The following PIF1 variants were observed in gnomAD, a reference collection of about 807,000 sequenced individuals.
PIF1 encodes the protein PIF1 5'-to-3' DNA helicase, also known as ATP-dependent DNA helicase PIF1.
In PIF1, 67 loss-of-function variants were observed where a neutral mutation model predicts 62.3. The ratio of observed to expected loss-of-function variants is 1.08; its 90% confidence interval spans 0.88 to 1.32. The LOEUF (loss-of-function observed/expected upper bound fraction) is 1.32. Ranked by LOEUF, PIF1 falls within the 40% of genes most tolerant of loss-of-function variation. The pLI is 0.00. For missense variants in PIF1, 886 were observed against 866.1 expected, an observed-to-expected ratio of 1.02 and a Z score of -0.29; for synonymous variants, 364 against 379.5, an observed-to-expected ratio of 0.96 and a Z score of 0.47.
intron 4 of PIF1, 155 bp from the exon 5 acceptor site, chr15:64,821,675 G>A (rs993498122): frequency 6.4e-6 from 5 of 778,332 alleles, no homozygotes; most frequent in African/African-American, 1.8e-5. Flanking sequence ...GGGCTCAAGC[G>A]ATCCTCCCAC....
Position 64,821,290 on chromosome 15 carries a change from G to A in PIF1, c.972-9C>T, listed in dbSNP as rs1236851204. 5 of 1,614,042 alleles carry A rather than the reference G, an allele frequency of 3.1e-6. No homozygotes were observed. In the African/African-American group the frequency reaches 5.3e-5, roughly 17 times the overall value. ...TCTGCTGCCGGACAGCTCTGGAGAG[G>A]AGCGTGGGGTGCTTTAGGGGCACAC... On this transcript the variant is annotated splice_polypyrimidine_tract_variant and intron_variant, in intron 5 of 12. Coordinates refer to ENST00000559239, the MANE Select transcript of PIF1 (RefSeq NM_001286496.2).
At chr15:64,826,669 C>CATAT (rs111251424), upstream of PIF1, among the ~76,000 whole-genome samples, 15,770 of 74,918 alleles carry the variant, frequency 0.21, 2,585 homozygotes, top group Non-Finnish European at 0.27. Context: ...TATATATACA[C>CATAT]ACACACACAC....
rs776992814 is a variant in PIF1, at chr15:64,821,545, G to C, written c.818-25C>G. ...CCTGTGAGTGACACTATTCAGCCTGGGCTAATACCCAAAGCCTCTCTTTTT... is the reference window on the plus strand; with the variant it reads ...CCTGTGAGTGACACTATTCAGCCTGCGCTAATACCCAAAGCCTCTCTTTTT... On this transcript the variant is annotated intron_variant, in intron 4 of 12. Transcript: ENST00000559239. 4 of 1,543,500 alleles carry C rather than the reference G, an allele frequency of 2.6e-6. No homozygotes were observed. In the South Asian group the frequency reaches 4.8e-5, roughly 19 times the overall value.
At position 64,818,032 on chromosome 15, in the gene PIF1, T is replaced by C. The variant is rs1198113246; in HGVS notation, c.1588A>G (p.Thr530Ala). 2.4e-5 allele frequency: 38 copies of C among 1,613,790 alleles called. No homozygotes were observed. The highest frequency in any genetic ancestry group is 3.1e-5 in the Non-Finnish European group (36 of 1,179,882). Residue 530 changes from threonine to alanine, a missense_variant, in exon 11 of 13, where the codon ACG becomes GCG. Physicochemically the swap from Thr to Ala is moderately conservative, Grantham distance 58 (BLOSUM62 0). Transcript: ENST00000559239. ...AGCTGGCCCCCGGTGGCCTGCACCGTCCAGCGGTCAGCGTGGATGACCTCA... is the reference window on the plus strand; with the variant it reads ...AGCTGGCCCCCGGTGGCCTGCACCGCCCAGCGGTCAGCGTGGATGACCTCA... Reference protein sequence around the residue: ...VTEVIHADRWTVQATGGQLLS... With the variant: ...VTEVIHADRWAVQATGGQLLS...
intron 7 of PIF1, 140 bp downstream of exon 7, chr15:64,820,842 C>G: frequency 1.4e-6 from 1 of 723,892 alleles, no homozygotes; most frequent in Non-Finnish European, 2.3e-6. Flanking sequence ...AGTGCCCTGC[C>G]CAAGGCTCCT....
chr15:64,820,046 T>A, intron 7 of PIF1, 60 bp from the exon 8 acceptor site: 9 of 1,571,886 alleles, frequency 5.7e-6, no homozygotes, highest in Non-Finnish European at 7.8e-6. Flanking sequence ...GTGGGGAACA[T>A]GGGCAGGATG....
At chr15:64,826,667 C>CATAT (rs1315075229), upstream of PIF1, among the ~76,000 whole-genome samples, 15,201 of 65,718 alleles carry the variant, frequency 0.23, 2,447 homozygotes, top group Non-Finnish European at 0.3. Context: ...TATATATATA[C>CATAT]ACACACACAC....
rs969531834 is a variant in PIF1, at chr15:64,815,863, C to A, written c.*435G>T. ...TTCCGTTCTCTGTTTGGAGGCTGCACCCAGCCTGAGTCCCCACCAGTCCCC... is the reference window on the plus strand; with the variant it reads ...TTCCGTTCTCTGTTTGGAGGCTGCAACCAGCCTGAGTCCCCACCAGTCCCC... On this transcript the variant is annotated 3_prime_UTR_variant, in exon 13 of 13. Transcript: ENST00000559239. 8.4e-6 allele frequency: 13 copies of A among 1,550,476 alleles called. No individual in the cohort carries two copies. The African/African-American group carries it at 1.6e-4, about 20-fold the overall frequency.
rs769887891 is a variant in PIF1 at position 64,816,615 on chromosome 15, G to T, written c.1825C>A (p.His609Asn). 7.4e-6 allele frequency: 12 copies of T among 1,613,930 alleles called. No homozygotes were observed. The highest frequency in any genetic ancestry group is 3.3e-5 in the Admixed American group (2 of 59,926). ...MAVRCDPRVLHFYATLRRGRS... is the reference protein window; with the variant it reads ...MAVRCDPRVLNFYATLRRGRS... ...CCCCGCCGCAGGGTGGCATAGAAGT[G>T]CAGCACACGGGGGTCACAGCGAACC... Residue 609 changes from histidine to asparagine, a missense_variant, in exon 12 of 13, where the codon CAC becomes AAC. Physicochemically the swap from His to Asn is moderately conservative, Grantham distance 68. Coordinates refer to ENST00000559239, the MANE Select transcript of PIF1 (RefSeq NM_001286496.2).
upstream of PIF1, among the ~76,000 whole-genome samples, chr15:64,826,719 T>TAC (rs1156251717): frequency 4.4e-5 from 6 of 136,594 alleles, no homozygotes; most frequent in African/African-American, 2.8e-5. Flanking sequence ...CATATATATA[T>TAC]ACACACACAT....
In PIF1 at chr15:64,819,875, G is replaced by T. The variant is rs143639043; in HGVS notation, c.1305C>A (p.Thr435=). The T allele has an allele frequency of 1.2e-6, 2 of 1,613,946 alleles. No homozygotes were observed. The highest frequency in any genetic ancestry group is 3.3e-5 in the Admixed American group (2 of 60,022). ...GCAGCTCCTGAAGCCGCCTCTCGTT[G>T]GTGAGGGCCACATCATCCTGGTGGG... ...LCTHQDDVAL[T]NERRLQELPG... is the part of the protein sequence containing the mutation. The change falls in exon 8 of 13, where the codon ACC becomes ACA. Residue 435 remains threonine (T), a synonymous_variant. Transcript: ENST00000559239.
rs775564225 is a variant in PIF1 at position 64,816,270 on chromosome 15, C to T, written c.*28G>A. 4.6e-5 allele frequency: 75 copies of T among 1,613,434 alleles called. No individual in the cohort carries two copies. Among genetic ancestry groups the T allele is most frequent in the African/African-American group, 2.7e-5 (2 of 74,918 alleles). ...AGGAGGACGGGGAGGCCACAGGCCACCCTTTGTCTTCTCTTTGTGGGTGAG... is the reference window on the plus strand; with the variant it reads ...AGGAGGACGGGGAGGCCACAGGCCATCCTTTGTCTTCTCTTTGTGGGTGAG... On this transcript the variant is annotated 3_prime_UTR_variant, in exon 13 of 13. Coordinates refer to ENST00000559239, the MANE Select transcript of PIF1 (RefSeq NM_001286496.2).
Position 64,816,107 on chromosome 15 carries a change from C to T in PIF1, c.*191G>A. 5 of 1,453,164 alleles carry T rather than the reference C, an allele frequency of 3.4e-6. No individual in the cohort carries two copies. Among genetic ancestry groups the T allele is most frequent in the Non-Finnish European group, 3.6e-6 (4 of 1,108,636 alleles). The allele number at this position is 1,453,164 out of a possible 1,614,324, so 90.0% of individuals were successfully genotyped here. ...CTTACCCAGGGCAAAGTGAGAGAAA[C>T]TGAAGCACAGCTGGTATATGGGTTT... On this transcript the variant is annotated 3_prime_UTR_variant, in exon 13 of 13. Coordinates refer to ENST00000559239, the MANE Select transcript of PIF1 (RefSeq NM_001286496.2).
chr15:64,817,925 G>GC lies in PIF1; in HGVS notation c.1674+20dup, dbSNP rs60814085. The GC allele has an allele frequency of 1.7e-5, 27 of 1,595,716 alleles. No individual in the cohort carries two copies. The African/African-American group carries it at 2.7e-4, about 16-fold the overall frequency. ...ACCTCCCTCTGCCCTCCCTGTCCCT[G>GC]CCCCCCACACCGGTGCTCACTTGGC... On this transcript the variant is annotated intron_variant, in intron 11 of 12. Transcript: ENST00000559239.
Position 64,825,556 on chromosome 15 carries a change from CTT to C in PIF1, c.-20+11_-20+12del, listed in dbSNP as rs2084357058. On this transcript the variant is annotated intron_variant, in intron 1 of 12. Coordinates refer to ENST00000559239, the MANE Select transcript of PIF1 (RefSeq NM_001286496.2). ...CGGAAACCCCTAGATAAATCAGGCT[CTT>C]TGCTCCCCACCTCTGGGTTCGGGCA... 1 of 152,154 alleles carries C rather than the reference CTT, an allele frequency of 6.6e-6. No individual in the cohort carries two copies. The highest frequency in any genetic ancestry group is 6.5e-5 in the Admixed American group (1 of 15,272). The allele number at this position is 152,154 out of a possible 1,614,324, so 9.4% of individuals were successfully genotyped here.
Position 64,822,269 on chromosome 15 carries a change from C to A in PIF1, c.814G>T (p.Ala272Ser), listed in dbSNP as rs1293417986. ...AGCCCTAGGGGTTCCTACTTACCTG[C>A]AAAGGCATGGAGGGTGGTGCCCCCG... ...HIGGTTLHAF[A>S]GIGSGQAPLA... is the part of the protein sequence containing the mutation. Residue 272 changes from alanine to serine, a missense_variant, in exon 4 of 13, where the codon GCA becomes TCA. By Grantham distance (99) the Ala-to-Ser change is moderately conservative (BLOSUM62 1). Coordinates refer to ENST00000559239, the MANE Select transcript of PIF1 (RefSeq NM_001286496.2). 6.2e-7 allele frequency: 1 copy of A among 1,612,302 alleles called. No homozygotes were observed. The highest frequency in any genetic ancestry group is 8.5e-7 in the Non-Finnish European group (1 of 1,179,550).
At position 64,820,077 on chromosome 15, in the gene PIF1, G is replaced by A. The variant is rs1446243696; in HGVS notation, c.1194-91C>T. 3 of 1,497,698 alleles carry A rather than the reference G, an allele frequency of 2.0e-6. No homozygotes were observed. The African/African-American group carries it at 4.1e-5, about 21-fold the overall frequency. 92.8% of individuals were successfully genotyped at this position (1,497,698 alleles called of 1,614,324 possible). ...GGATGGCTCAAGCAGCAGGCCATGG[G>A]TCAGGCCTTGGGACTGGAAGAGGGC... On this transcript the variant is annotated intron_variant, in intron 7 of 12. Coordinates refer to ENST00000559239, the MANE Select transcript of PIF1 (RefSeq NM_001286496.2).
At chr15:64,816,538 G>A (rs768487112) in intron 12 of PIF1, 36 bp downstream of exon 12, 4 of 1,607,318 alleles carry the variant, frequency 2.5e-6, no homozygotes, top group South Asian at 2.2e-5. Context: ...CACCCTGCCC[G>A]TGGCCACAGC....
chr15:64,823,949 AC>A lies in PIF1; in HGVS notation c.386del (p.Gly129ValfsTer44). ...GCGCTCGGGCGGAGGCCGGCCCGGG[AC>A]CCGGGGCCGCAGCCAGCTTGAGGCG... ...TLRLKLAAAP[G>X]PGPASARAQL... On this transcript the variant is annotated frameshift_variant, in exon 2 of 13. Transcript: ENST00000559239. LOFTEE classifies it high-confidence loss of function. The A allele has an allele frequency of 7.7e-7, 1 of 1,306,876 alleles. No individual in the cohort carries two copies. The highest frequency in any genetic ancestry group is 9.8e-7 in the Non-Finnish European group (1 of 1,024,920). The allele number at this position is 1,306,876 out of a possible 1,614,324, so 81.0% of individuals were successfully genotyped here.
Sources: allele counts gnomAD v4.1 joint callset (sites outside exome capture counted in the v4.1 genomes callset), GRCh38; gene constraint gnomAD v4.1.1; transcripts MANE v1.5; gene names NCBI Gene and HGNC (gene_info 2026-07-23, HGNC 2026-07-21).